The following ALPK2 variants were observed in gnomAD, a reference collection of about 807,000 sequenced individuals.
ALPK2 encodes alpha-protein kinase 2.
ALPK2 carries 127 observed loss-of-function variants against 163.1 expected under a neutral mutation model. The observed-to-expected ratio is 0.78, with a 90% CI of 0.67 to 0.90. The LOEUF is 0.90. ALPK2 is among the 40% of genes least tolerant of loss of function. The pLI is 0.00. For missense variants in ALPK2, 2,360 were observed against 2,589.6 expected, an observed-to-expected ratio of 0.91 and a Z score of 1.92; for synonymous variants, 953 against 959.1, an observed-to-expected ratio of 0.99 and a Z score of 0.12.
chr18:58,485,666 G>A (rs2051334821), intron 12 of ALPK2, among the ~76,000 whole-genome samples: 1 of 152,210 alleles, frequency 6.6e-6, no homozygotes, highest in Admixed American at 6.5e-5. Flanking sequence ...TCCTCTGCAG[G>A]AGCTCCCTGA....
intron 4 of ALPK2, among the ~76,000 whole-genome samples, chr18:58,547,379 G>A (rs2051722959): frequency 6.6e-6 from 1 of 152,238 alleles, no homozygotes; most frequent in Non-Finnish European, 1.5e-5. Context: ...GAAAGAGACA[G>A]TGGGCTGGAG....
chr18:58,518,425 A>G (rs898056892), intron 8 of ALPK2, among the ~76,000 whole-genome samples: 1 of 152,220 alleles, frequency 6.6e-6, no homozygotes, highest in Non-Finnish European at 1.5e-5. Flanking sequence ...GCTTGAAGAA[A>G]GAGGATATTC....
At chr18:58,626,649 T>C (rs1268413602) in intron 1 of ALPK2, among the ~76,000 whole-genome samples, 4 of 152,186 alleles carry the variant, frequency 2.6e-5, no homozygotes, top group Non-Finnish European at 2.9e-5. Flanking sequence ...ACTTCTGCTT[T>C]TAGATAATAA....
intron 3 of ALPK2, among the ~76,000 whole-genome samples, chr18:58,600,946 T>C (rs2052066232): frequency 6.6e-6 from 1 of 152,134 alleles, no homozygotes; most frequent in African/African-American, 2.4e-5. Context: ...CTCTTAATGT[T>C]TGTTGGATAA....
intron 3 of ALPK2, among the ~76,000 whole-genome samples, chr18:58,594,158 TGGG>T (rs1193272364): frequency 6.6e-6 from 1 of 152,110 alleles, no homozygotes; most frequent in Non-Finnish European, 1.5e-5. Context: ...TGGGGATGCA[TGGG>T]GAGCGGTTTC....
At chr18:58,604,886 C>G (rs1041218590) in intron 3 of ALPK2, among the ~76,000 whole-genome samples, 2 of 152,192 alleles carry the variant, frequency 1.3e-5, no homozygotes, top group African/African-American at 4.8e-5. Flanking sequence ...TCTGCTTTGA[C>G]TTGCCCACCT....
intron 3 of ALPK2, among the ~76,000 whole-genome samples, chr18:58,590,218 TAA>T (rs11286325): frequency 0.023 from 2,231 of 97,248 alleles, 48 homozygotes; most frequent in South Asian, 0.15. Context: ...AGGCTCCATC[TAA>T]AAAAAAAAAA....
At chr18:58,507,100 T>C (rs1016169441) in intron 10 of ALPK2, among the ~76,000 whole-genome samples, 7 of 152,236 alleles carry the variant, frequency 4.6e-5, no homozygotes, top group African/African-American at 1.7e-4. Flanking sequence ...ATGCTGACTT[T>C]TGATGTTCAT....
At chr18:58,526,210 T>C (rs1291296727) in intron 6 of ALPK2, among the ~76,000 whole-genome samples, 2 of 152,152 alleles carry the variant, frequency 1.3e-5, no homozygotes, top group Non-Finnish European at 2.9e-5. Flanking sequence ...TGCAGACAAA[T>C]GCAAAAGAAG....
At chr18:58,532,952 C>T (rs906383505) in intron 5 of ALPK2, among the ~76,000 whole-genome samples, 16 of 152,160 alleles carry the variant, frequency 1.1e-4, no homozygotes, top group African/African-American at 3.9e-4. Context: ...CCCAAACACC[C>T]GCTAGTATCT....
intron 1 of ALPK2, among the ~76,000 whole-genome samples, chr18:58,613,746 A>AT (rs1265176969): frequency 2.9e-4 from 41 of 143,580 alleles, no homozygotes; most frequent in Admixed American, 7.0e-4. Context: ...AATAATAATA[A>AT]AATAAAAAGA....
At chr18:58,560,958 A>G (rs2051822905) in intron 4 of ALPK2, among the ~76,000 whole-genome samples, 1 of 152,186 alleles carries the variant, frequency 6.6e-6, no homozygotes, top group African/African-American at 2.4e-5. Context: ...ATATCTTTGA[A>G]TAGCTTCAAG....
At chr18:58,565,731 GTTCCTTCCTTCCTTCCTTCC>G (rs74183271) in intron 4 of ALPK2, among the ~76,000 whole-genome samples, 22 of 145,890 alleles carry the variant, frequency 1.5e-4, no homozygotes, top group Admixed American at 8.9e-4. Flanking sequence ...TCTCTTTTTT[GTTCCTTCCTTCCTTCCTTCC>G]TTCCTTCCTT....
At chr18:58,589,072 T>A (rs2052002280) in intron 3 of ALPK2, among the ~76,000 whole-genome samples, 1 of 152,188 alleles carries the variant, frequency 6.6e-6, no homozygotes, top group Admixed American at 6.5e-5. Flanking sequence ...AATCATTGAT[T>A]TAAGCTATTC....
chr18:58,580,382 G>T lies in ALPK2; in HGVS notation c.394C>A (p.His132Asn). 1 of 1,614,108 alleles carries T rather than the reference G, an allele frequency of 6.2e-7. No individual in the cohort carries two copies. Among genetic ancestry groups the T allele is most frequent in the Non-Finnish European group, 8.5e-7 (1 of 1,180,014 alleles). Residue 132 changes from histidine (H) to asparagine (N), a missense_variant, in exon 4 of 13, where the codon CAT becomes AAT. Transcript: ENST00000361673. ...ATCTGATTTGCCCTTTCTTCTTCAT[G>T]TGTCCCTGTTTCATGTTTCCAACCC... ...DRGWKHETGT[H>N]EEERANQIDE... is the part of the protein sequence containing the mutation.
At chr18:58,515,282 C>T (rs547628039) in intron 9 of ALPK2, among the ~76,000 whole-genome samples, 1 of 152,288 alleles carries the variant, frequency 6.6e-6, no homozygotes, top group African/African-American at 2.4e-5. Flanking sequence ...CGTCAAGGAA[C>T]TGTCCGGGTG....
At chr18:58,528,503 T>A (rs940725337) in intron 6 of ALPK2, among the ~76,000 whole-genome samples, 4 of 152,012 alleles carry the variant, frequency 2.6e-5, no homozygotes, top group Non-Finnish European at 4.4e-5. Flanking sequence ...ACCACTATAC[T>A]CCAGCCTGGG....
intron 1 of ALPK2, among the ~76,000 whole-genome samples, chr18:58,624,518 G>A (rs1200030201): frequency 6.6e-6 from 1 of 150,774 alleles, no homozygotes; most frequent in African/African-American, 2.4e-5. Flanking sequence ...GCAATGGCAC[G>A]ATTTCGGGTC....
chr18:58,534,956 T>C lies in ALPK2; in HGVS notation c.5231A>G (p.Glu1744Gly). 1 of 1,614,188 alleles carries C rather than the reference T, an allele frequency of 6.2e-7. No homozygotes were observed. The highest frequency in any genetic ancestry group is 8.5e-7 in the Non-Finnish European group (1 of 1,180,018). Reference protein sequence around the residue: ...RVAALRLKLEEKENIRKNSAF... With the variant: ...RVAALRLKLEGKENIRKNSAF... The stretch of plus-strand genomic sequence containing the variant: ...TGAGTTCTTTCTGATATTTTCCTTT[T>C]CTTCCAGTTTCAGCCTCAGTGCTGC... Residue 1744 changes from glutamate (E) to glycine (G), a missense_variant, in exon 5 of 13, where the codon GAA becomes GGA. Coordinates refer to ENST00000361673, the MANE Select transcript of ALPK2 (RefSeq NM_052947.4).
Sources: allele counts gnomAD v4.1 joint callset (sites outside exome capture counted in the v4.1 genomes callset), GRCh38; gene constraint gnomAD v4.1.1; transcripts MANE v1.5; gene names NCBI Gene and HGNC (gene_info 2026-07-23, HGNC 2026-07-21).